Variants in KLF12 observed in about 807,000 individuals in gnomAD.
The protein encoded by KLF12 is Krueppel-like factor 12.
Under a neutral mutation model 37.8 loss-of-function variants are expected in KLF12, and 9 were observed. The observed-to-expected ratio is 0.24, with a 90% CI of 0.14 to 0.42. The LOEUF is 0.42. KLF12 is among the 10% of genes least tolerant of loss of function. The pLI is 1.00. For synonymous variants in KLF12, 208 were observed against 202.1 expected (o/e 1.03, Z -0.25); for missense variants, 411 against 516.0 (o/e 0.80, Z 1.97).
chr13:73,851,361 T>A (rs931698176), intron 3 of KLF12, among the ~76,000 whole-genome samples: 2 of 152,176 alleles, frequency 1.3e-5, no homozygotes, highest in Non-Finnish European at 2.9e-5. Context: ...GAACAAGTCA[T>A]CTTTAGGGAT....
At chr13:73,716,460 T>C (rs1027832153) in intron 6 of KLF12, among the ~76,000 whole-genome samples, 7 of 152,194 alleles carry the variant, frequency 4.6e-5, no homozygotes, top group African/African-American at 1.7e-4. Flanking sequence ...CTTGTTCACA[T>C]TTTGATGCTT....
chr13:74,003,017 T>C (rs1271204334), intron 1 of KLF12, among the ~76,000 whole-genome samples: 2 of 152,242 alleles, frequency 1.3e-5, no homozygotes, highest in Non-Finnish European at 2.9e-5. Flanking sequence ...TAGGTACTTT[T>C]ACATATATTA....
At position 74,013,643 on chromosome 13, in the gene KLF12, T is replaced by C. The variant is rs74893390; in HGVS notation, c.-31-18590A>G. ...GCAAAGAAATTCTAAACTATAAGGA[T>C]CCTAGATTTCTCTGGGCCCTTGCAA... On this transcript the variant is annotated intron_variant, in intron 1 of 7. Coordinates refer to ENST00000377669, the MANE Select transcript of KLF12 (RefSeq NM_007249.5). Among the ~76,000 whole-genome samples the C allele has an allele frequency of 6.4e-3, 980 of 152,210 alleles. 18 individuals are homozygous for C. The highest frequency in any genetic ancestry group is 4.4e-3 in the Non-Finnish European group (302 of 68,010).
chr13:73,886,248 G>A (rs1887218396), intron 3 of KLF12, among the ~76,000 whole-genome samples: 1 of 152,182 alleles, frequency 6.6e-6, no homozygotes. Flanking sequence ...TTAAATAGAA[G>A]AGCCAAACGG....
chr13:74,135,957 C>T (rs1265228106), upstream of KLF12, among the ~76,000 whole-genome samples: 1 of 152,130 alleles, frequency 6.6e-6, no homozygotes, highest in Non-Finnish European at 1.5e-5. Context: ...ACAACAAAGG[C>T]GGCGTCTGCC....
intron 1 of KLF12, among the ~76,000 whole-genome samples, chr13:74,118,174 A>G (rs1387949073): frequency 6.6e-6 from 1 of 152,220 alleles, no homozygotes; most frequent in East Asian, 1.9e-4. Flanking sequence ...TTAGTTGTTC[A>G]GGGTGAGTGA....
At chr13:73,786,376 G>T (rs947297810) in intron 5 of KLF12, among the ~76,000 whole-genome samples, 1 of 152,114 alleles carries the variant, frequency 6.6e-6, no homozygotes, top group African/African-American at 2.4e-5. Flanking sequence ...GGGGTTCTCA[G>T]TGTCTGCAGA....
the KLF12 span, among the ~76,000 whole-genome samples, chr13:74,246,925 C>T: frequency 1.6e-4 from 25 of 152,090 alleles, no homozygotes; most frequent in Non-Finnish European, 2.9e-4. Context: ...TCTGAATGCT[C>T]AGAGGAATTA....
intron 5 of KLF12, among the ~76,000 whole-genome samples, chr13:73,805,625 G>A (rs1242250428): frequency 4.5e-5 from 2 of 44,228 alleles, no homozygotes; most frequent in East Asian, 1.8e-3. Flanking sequence ...AGGGAGGGAG[G>A]GAGGGAGGGA....
chr13:74,091,925 G>A (rs1243013245), intron 1 of KLF12, among the ~76,000 whole-genome samples: 1 of 151,748 alleles, frequency 6.6e-6, no homozygotes, highest in Admixed American at 6.6e-5. Context: ...CAGAGGGTAC[G>A]TGTGACACTT....
intron 1 of KLF12, among the ~76,000 whole-genome samples, chr13:74,049,207 G>A (rs1893622838): frequency 6.6e-6 from 1 of 152,190 alleles, no homozygotes; most frequent in Non-Finnish European, 1.5e-5. Context: ...TCTTGTACAA[G>A]AGAAAATCAT....
chr13:74,287,751 ACCTCTTGTGT>A, the KLF12 span, among the ~76,000 whole-genome samples: 1 of 152,088 alleles, frequency 6.6e-6, no homozygotes, highest in Admixed American at 6.5e-5. Context: ...TTGTAGTATG[ACCTCTTGTGT>A]CCTCTACTGT....
At chr13:73,853,857 T>C (rs1304830336) in intron 3 of KLF12, among the ~76,000 whole-genome samples, 5 of 152,152 alleles carry the variant, frequency 3.3e-5, no homozygotes, top group East Asian at 1.9e-4. Context: ...AAATAGAAGA[T>C]ATTTTCTTTT....
the KLF12 span, among the ~76,000 whole-genome samples, chr13:74,264,604 C>T: frequency 2.7e-3 from 405 of 152,210 alleles, no homozygotes; most frequent in African/African-American, 9.2e-3. Context: ...GGTAAAAACC[C>T]TTTTCTTTGT....
At chr13:74,267,761 A>T in the KLF12 span, among the ~76,000 whole-genome samples, 1 of 152,182 alleles carries the variant, frequency 6.6e-6, no homozygotes, top group Non-Finnish European at 1.5e-5. Context: ...GAAATGATAA[A>T]TGTTTTAGGT....
intron 6 of KLF12, among the ~76,000 whole-genome samples, chr13:73,760,635 T>G (rs776782990): frequency 6.6e-6 from 1 of 152,146 alleles, no homozygotes; most frequent in Non-Finnish European, 1.5e-5. Context: ...TGATTACTAT[T>G]AATAACGCTG....
At position 73,835,142 on chromosome 13, in the gene KLF12, A is replaced by T. The variant is rs368006548; in HGVS notation, c.670+10685T>A. 1.0e-3 allele frequency among the ~76,000 whole-genome samples: 155 copies of T among 152,018 alleles called. 2 individuals are homozygous for T. In the South Asian group the frequency reaches 0.031, roughly 30 times the overall value. ...CTCTCGAAGTCTAAAAACAAAGTAG[A>T]TAACTTAGGTCTCGAATTCAGGTTT... On this transcript the variant is annotated intron_variant, in intron 4 of 7. Transcript: ENST00000377669.
chr13:73,829,025 G>A (rs1445655467), intron 4 of KLF12, among the ~76,000 whole-genome samples: 6 of 152,158 alleles, frequency 3.9e-5, no homozygotes, highest in Admixed American at 1.3e-4. Context: ...CACCACCACC[G>A]AGTATACTGC....
At chr13:73,782,076 T>G (rs1477515981) in intron 5 of KLF12, among the ~76,000 whole-genome samples, 1 of 152,182 alleles carries the variant, frequency 6.6e-6, no homozygotes, top group African/African-American at 2.4e-5. Flanking sequence ...GCATAGAAAC[T>G]TCATGGAAGG....
Sources: allele counts gnomAD v4.1 joint callset (sites outside exome capture counted in the v4.1 genomes callset), GRCh38; gene constraint gnomAD v4.1.1; transcripts MANE v1.5; gene names NCBI Gene and HGNC (gene_info 2026-07-23, HGNC 2026-07-21).